Variants in KCTD20 observed in about 807,000 individuals in gnomAD.
The protein encoded by KCTD20 is BTB/POZ domain-containing protein KCTD20.
Under a neutral mutation model 39.6 loss-of-function variants are expected in KCTD20, and 30 were observed. That is an observed-to-expected ratio of 0.76 (90% CI 0.57 to 1.03). The LOEUF (loss-of-function observed/expected upper bound fraction) is 1.03. Ranked by LOEUF, KCTD20 falls within the 50% of genes least tolerant of loss-of-function variation. KCTD20 has a pLI of 0.00. For missense variants in KCTD20, 422 were observed against 522.0 expected (o/e 0.81, Z 1.87); for synonymous variants, 162 against 180.6 (o/e 0.90, Z 0.83).
chr6:36,484,860 G>A, intron 7 of KCTD20, 36 bp downstream of exon 7: 2 of 1,299,228 alleles, frequency 1.5e-6, no homozygotes, highest in Non-Finnish European at 2.2e-6. Flanking sequence ...CAACATTCAG[G>A]TTGGGTCTAT....
At chr6:36,466,374 CTTTT>C (rs1381885474) in intron 1 of KCTD20, among the ~76,000 whole-genome samples, 3 of 141,148 alleles carry the variant, frequency 2.1e-5, no homozygotes, top group Non-Finnish European at 3.0e-5. Flanking sequence ...TGTTTTGCTG[CTTTT>C]TTTCTCTTTT....
At chr6:36,456,392 C>T (rs1430329934) in intron 1 of KCTD20, among the ~76,000 whole-genome samples, 1 of 152,124 alleles carries the variant, frequency 6.6e-6, no homozygotes. Context: ...GATTCTCCTG[C>T]CTCAGACTCC....
chr6:36,475,897 A>C (rs1776048664), intron 3 of KCTD20, among the ~76,000 whole-genome samples: 1 of 152,216 alleles, frequency 6.6e-6, no homozygotes, highest in Non-Finnish European at 1.5e-5. Context: ...TTCCATTACT[A>C]TTCAAGTTTT....
At chr6:36,471,107 C>T (rs980802969) in intron 2 of KCTD20, among the ~76,000 whole-genome samples, 1 of 149,052 alleles carries the variant, frequency 6.7e-6, no homozygotes, top group African/African-American at 2.5e-5. Context: ...GCCAAGATCA[C>T]ACCACTGCGC....
intron 1 of KCTD20, among the ~76,000 whole-genome samples, chr6:36,448,015 G>GTGTATGTGTATATATATA (rs559687288): frequency 1.9e-4 from 24 of 128,950 alleles, no homozygotes; most frequent in African/African-American, 5.8e-4. Context: ...ATGTGTGTGT[G>GTGTATGTGTATATATATA]TATATATATA....
intron 1 of KCTD20, chr6:36,451,024 C>T (rs1775237880): frequency 6.6e-6 from 1 of 152,202 alleles, no homozygotes; most frequent in African/African-American, 2.4e-5. Context: ...CAGCCTGGGT[C>T]AGTTCTCCCC....
At chr6:36,444,405 G>T (rs902485875) in intron 1 of KCTD20, among the ~76,000 whole-genome samples, 2 of 152,220 alleles carry the variant, frequency 1.3e-5, no homozygotes, top group Non-Finnish European at 2.9e-5. Context: ...CTGACACGGG[G>T]TAGGAAATGA....
At chr6:36,476,649 T>C (rs914471141) in intron 3 of KCTD20, among the ~76,000 whole-genome samples, 3 of 151,972 alleles carry the variant, frequency 2.0e-5, no homozygotes, top group Admixed American at 2.0e-4. Context: ...AGGCTGGTCT[T>C]GAACTCCTGA....
At chr6:36,478,101 A>AAAAAAAAAG (rs112536319) in intron 3 of KCTD20, among the ~76,000 whole-genome samples, 27,988 of 145,318 alleles carry the variant, frequency 0.19, 3,120 homozygotes, top group East Asian at 0.38. Context: ...TCTCAAAAAA[A>AAAAAAAAAG]AAAAGAAAAG....
chr6:36,469,966 CAGTTTTCT>C lies in KCTD20; in HGVS notation c.-46-79_-46-72del, dbSNP rs1040755841. On this transcript the variant is annotated intron_variant, in intron 1 of 7. Transcript: ENST00000373731. The surrounding 1 kb of genome is among the most constrained non-coding windows in gnomAD (Gnocchi z 4.6). ...TCCTGAGAACAGGAATGCTAGCTGT[CAGTTTTCT>C]AGTTTTGCTTTCATACCATGGAATT... 2.6e-4 allele frequency: 179 copies of C among 687,718 alleles called. No individual in the cohort carries two copies. In the African/African-American group the frequency reaches 3.0e-3, roughly 12 times the overall value. The allele number at this position is 687,718 out of a possible 1,614,324, so 42.6% of individuals were successfully genotyped here. A position where few individuals can be genotyped will look rare whatever the true frequency, so the allele number is the denominator to read the frequency against.
chr6:36,475,303 G>A (rs1776031442), intron 3 of KCTD20, among the ~76,000 whole-genome samples: 2 of 152,028 alleles, frequency 1.3e-5, no homozygotes, highest in Admixed American at 1.3e-4. Flanking sequence ...AAAATTAGCT[G>A]GGTGTGGTGG....
At chr6:36,448,999 G>C (rs1308248009) in intron 1 of KCTD20, among the ~76,000 whole-genome samples, 4 of 150,476 alleles carry the variant, frequency 2.7e-5, no homozygotes, top group Non-Finnish European at 5.9e-5. Flanking sequence ...CAGGAGTGAA[G>C]CTGCAGACCT....
chr6:36,457,792 G>A (rs1226384094), intron 1 of KCTD20, among the ~76,000 whole-genome samples: 1 of 152,220 alleles, frequency 6.6e-6, no homozygotes, highest in Non-Finnish European at 1.5e-5. Context: ...AATATTTAAA[G>A]GGTTGGAAGT....
intron 1 of KCTD20, among the ~76,000 whole-genome samples, chr6:36,448,550 A>G (rs995427278): frequency 1.3e-5 from 2 of 152,204 alleles, no homozygotes; most frequent in African/African-American, 4.8e-5. Flanking sequence ...TAAGGCTGCC[A>G]AAGCAAAGGA....
intron 1 of KCTD20, among the ~76,000 whole-genome samples, chr6:36,462,567 T>C (rs1218245113): frequency 2.6e-5 from 4 of 152,214 alleles, no homozygotes; most frequent in African/African-American, 7.2e-5. Flanking sequence ...CCCAAGAAGA[T>C]GTTTTAACAA....
rs1375302730 is a variant in KCTD20, at chr6:36,481,546, C to A, written c.659-16C>A. On this transcript the variant is annotated splice_polypyrimidine_tract_variant and intron_variant, in intron 5 of 7. Transcript: ENST00000373731. ...TTTAGGCAGAAAGCATGTTCACCTA[C>A]ATTTTCTCTCTGCAGGTGCTTTACT... is the stretch of plus-strand genomic sequence containing the variant. 3 of 1,599,582 alleles carry A rather than the reference C, an allele frequency of 1.9e-6. No homozygotes were observed. The African/African-American group carries it at 4.0e-5, about 21-fold the overall frequency.
At chr6:36,464,729 T>G (rs1307433018) in intron 1 of KCTD20, among the ~76,000 whole-genome samples, 3 of 152,144 alleles carry the variant, frequency 2.0e-5, no homozygotes, top group Non-Finnish European at 4.4e-5. Context: ...GAGTTCTCAT[T>G]AGCATGCATA....
At chr6:36,463,185 T>C (rs1323232457) in intron 1 of KCTD20, among the ~76,000 whole-genome samples, 2 of 152,216 alleles carry the variant, frequency 1.3e-5, no homozygotes, top group Non-Finnish European at 2.9e-5. Flanking sequence ...TTTATTCTTA[T>C]TTTCCTGCCA....
chr6:36,482,572 C>T (rs956926203), intron 6 of KCTD20, among the ~76,000 whole-genome samples: 1 of 151,700 alleles, frequency 6.6e-6, no homozygotes, highest in Non-Finnish European at 1.5e-5. Flanking sequence ...AAAGAAAAAT[C>T]TTCAACATTC....
Sources: allele counts gnomAD v4.1 joint callset (sites outside exome capture counted in the v4.1 genomes callset), GRCh38; gene constraint gnomAD v4.1.1; non-coding constraint Gnocchi (gnomAD v3.1); transcripts MANE v1.5; gene names NCBI Gene and HGNC (gene_info 2026-07-23, HGNC 2026-07-21).